The following TAFA1 variants were observed in gnomAD, a reference collection of about 807,000 sequenced individuals.
TAFA1 encodes TAFA chemokine like family member 1.
In TAFA1, 4 loss-of-function variants were observed where a neutral mutation model predicts 18.5. That is an observed-to-expected ratio of 0.22 (90% CI 0.11 to 0.49). TAFA1 has a LOEUF of 0.49. Ranked by LOEUF, TAFA1 falls within the 20% of genes least tolerant of loss-of-function variation. The pLI, the probability that TAFA1 is intolerant of heterozygous loss-of-function variation, is 0.98. For missense variants in TAFA1, 147 were observed against 169.0 expected (o/e 0.87, Z 0.72); for synonymous variants, 56 against 55.2 (o/e 1.01, Z -0.06).
chr3:68,454,323 G>A (rs1036497005), intron 3 of TAFA1, among the ~76,000 whole-genome samples: 1 of 151,928 alleles, frequency 6.6e-6, no homozygotes, highest in Non-Finnish European at 1.5e-5. Flanking sequence ...AGCATTTTGA[G>A]CCCCATTGTC....
At chr3:68,258,437 C>G (rs1355168615) in intron 2 of TAFA1, among the ~76,000 whole-genome samples, 1 of 152,152 alleles carries the variant, frequency 6.6e-6, no homozygotes, top group South Asian at 2.1e-4. Context: ...GAATTACTAA[C>G]TATGCTCCCT....
At chr3:68,127,138 CA>C (rs2065473352) in intron 2 of TAFA1, among the ~76,000 whole-genome samples, 1 of 152,142 alleles carries the variant, frequency 6.6e-6, no homozygotes, top group Admixed American at 6.5e-5. Context: ...AGAACACAAG[CA>C]AAATTCACCA....
chr3:68,337,059 C>T (rs964325186), intron 2 of TAFA1, among the ~76,000 whole-genome samples: 1 of 152,252 alleles, frequency 6.6e-6, no homozygotes, highest in African/African-American at 2.4e-5. Flanking sequence ...GAGTATTACC[C>T]CCTTTTCCAG....
intron 2 of TAFA1, among the ~76,000 whole-genome samples, chr3:68,370,221 G>A (rs1325862047): frequency 7.5e-6 from 1 of 133,466 alleles, no homozygotes; most frequent in Non-Finnish European, 1.6e-5. Flanking sequence ...CCGGGAGGCG[G>A]AGGTTGCAGT....
At chr3:68,171,801 TG>T (rs2066057252) in intron 2 of TAFA1, among the ~76,000 whole-genome samples, 1 of 150,756 alleles carries the variant, frequency 6.6e-6, no homozygotes, top group South Asian at 2.1e-4. Context: ...AAAACTGTAA[TG>T]AAAAAAAAAT....
At chr3:68,387,993 C>A (rs1413976767) in intron 2 of TAFA1, among the ~76,000 whole-genome samples, 1 of 152,106 alleles carries the variant, frequency 6.6e-6, no homozygotes. Flanking sequence ...ACTAAAATAA[C>A]TCATGTTACT....
intron 2 of TAFA1, among the ~76,000 whole-genome samples, chr3:68,326,511 A>G (rs1461150369): frequency 2.0e-5 from 3 of 152,178 alleles, no homozygotes; most frequent in Admixed American, 6.5e-5. Flanking sequence ...TTGACCTGAG[A>G]GTTTGCTTGC....
intron 3 of TAFA1, among the ~76,000 whole-genome samples, chr3:68,535,384 GA>G (rs143280757): frequency 1.8e-3 from 227 of 123,286 alleles, no homozygotes; most frequent in African/African-American, 5.3e-3. Flanking sequence ...CCATCAAAAA[GA>G]AAAAAAAAAA....
At chr3:68,081,898 G>A (rs62135247) in intron 2 of TAFA1, among the ~76,000 whole-genome samples, 54,050 of 151,878 alleles carry the variant, frequency 0.36, 10,065 homozygotes, top group East Asian at 0.48. Context: ...AATGGCGGGC[G>A]CCCCTCTCCC....
intron 2 of TAFA1, among the ~76,000 whole-genome samples, chr3:68,114,634 TG>T (rs1170102249): frequency 7.9e-5 from 12 of 152,234 alleles, no homozygotes; most frequent in Admixed American, 7.9e-4. Context: ...GAGTGTAAAT[TG>T]GTATGAAACA....
intron 2 of TAFA1, among the ~76,000 whole-genome samples, chr3:68,349,677 G>A (rs927699499): frequency 6.6e-6 from 1 of 152,092 alleles, no homozygotes; most frequent in African/African-American, 2.4e-5. Context: ...CTCTGCCATC[G>A]TGGGGAGAAA....
chr3:68,010,675 A>C (rs1177338786), intron 2 of TAFA1, among the ~76,000 whole-genome samples: 1 of 152,214 alleles, frequency 6.6e-6, no homozygotes, highest in Non-Finnish European at 1.5e-5. Flanking sequence ...TAGTTAAGGA[A>C]GATTAAAACA....
intron 2 of TAFA1, among the ~76,000 whole-genome samples, chr3:68,011,164 A>C (rs978611757): frequency 2.6e-5 from 4 of 152,012 alleles, no homozygotes; most frequent in Non-Finnish European, 5.9e-5. Context: ...CTTGAAACTT[A>C]GTAAAATATA....
chr3:68,216,870 G>A (rs1194834535), intron 2 of TAFA1, among the ~76,000 whole-genome samples: 5 of 152,060 alleles, frequency 3.3e-5, no homozygotes, highest in East Asian at 3.9e-4. Flanking sequence ...GGGATTATAA[G>A]CCAAAGTACA....
chr3:68,081,425 G>T (rs11916251), intron 2 of TAFA1, among the ~76,000 whole-genome samples: 4,540 of 151,794 alleles, frequency 0.03, 238 homozygotes, highest in African/African-American at 0.1. Flanking sequence ...TGTTCTGTTT[G>T]TTCCCCATCT....
At chr3:68,461,761 A>C (rs1025435132) in intron 3 of TAFA1, among the ~76,000 whole-genome samples, 2 of 151,472 alleles carry the variant, frequency 1.3e-5, no homozygotes, top group Non-Finnish European at 2.9e-5. Context: ...CTGTCCTAGG[A>C]CTCAGGACAA....
chr3:68,052,046 T>C (rs781514614), intron 2 of TAFA1, among the ~76,000 whole-genome samples: 1 of 152,170 alleles, frequency 6.6e-6, no homozygotes, highest in Non-Finnish European at 1.5e-5. Context: ...GGTGTCTCTG[T>C]CAATGAAAAG....
chr3:68,283,295 T>C (rs1427540380), intron 2 of TAFA1, among the ~76,000 whole-genome samples: 2 of 152,170 alleles, frequency 1.3e-5, no homozygotes, highest in Non-Finnish European at 2.9e-5. Context: ...GGAGATTCAG[T>C]CTTATAGTCT....
intron 2 of TAFA1, among the ~76,000 whole-genome samples, chr3:68,372,034 A>G (rs1439522006): frequency 6.6e-6 from 1 of 152,216 alleles, no homozygotes; most frequent in Non-Finnish European, 1.5e-5. Flanking sequence ...TAATGGGCCA[A>G]ACTTTGTAGG....
Sources: gnomAD v4.1 joint callset for allele counts (sites outside exome capture counted in the v4.1 genomes callset) on GRCh38, gnomAD v4.1.1 for gene constraint, MANE v1.5 for transcripts, NCBI Gene and HGNC (gene_info 2026-07-23, HGNC 2026-07-21) for gene names.